IL1RAP: variants seen among roughly 807,000 people sequenced by gnomAD.
IL1RAP encodes interleukin 1 receptor accessory protein.
Under a neutral mutation model 60.7 loss-of-function variants are expected in IL1RAP, and 35 were observed. The observed-to-expected ratio is 0.58, with a 90% CI of 0.44 to 0.76. IL1RAP has a LOEUF of 0.76. IL1RAP is among the 30% of genes least tolerant of loss of function. The probability of loss-of-function intolerance (pLI) is 0.00; values close to 1 mark genes in which losing one functional copy is unlikely to be tolerated. For missense variants in IL1RAP, 572 were observed against 693.9 expected, an observed-to-expected ratio of 0.82 and a Z score of 1.97; for synonymous variants, 268 against 250.9, an observed-to-expected ratio of 1.07 and a Z score of -0.64.
chr3:190,524,758 T>A (rs759437198), intron 1 of IL1RAP, among the ~76,000 whole-genome samples: 1 of 152,122 alleles, frequency 6.6e-6, no homozygotes. Context: ...TATGGATAGA[T>A]GTTAGTGTGA....
chr3:190,632,375 T>C lies in IL1RAP; in HGVS notation c.1051+2877T>C, dbSNP rs1003151153. On this transcript the variant is annotated intron_variant, in intron 9 of 11. Transcript: ENST00000447382. ...GATGTTGGACAATTTTTCATAGCCT[T>C]ATTTGTCATTAGCTAATATATCTTT... is the stretch of plus-strand genomic sequence containing the variant. Among the ~76,000 whole-genome samples, 5 of 152,246 alleles carry C rather than the reference T, an allele frequency of 3.3e-5. No individual in the cohort carries two copies. In the East Asian group the frequency reaches 9.6e-4, roughly 29 times the overall value.
At chr3:190,655,830 G>T, downstream of IL1RAP, 1 of 1,251,866 alleles carries the variant, frequency 8.0e-7, no homozygotes, top group South Asian at 1.4e-5. Flanking sequence ...GGACAATAAC[G>T]AACTGGAATA....
intron 3 of IL1RAP, among the ~76,000 whole-genome samples, chr3:190,602,703 C>CT (rs1729964152): frequency 6.6e-6 from 1 of 152,138 alleles, no homozygotes; most frequent in African/African-American, 2.4e-5. Flanking sequence ...TGATGTAACT[C>CT]TTTTCTTTCA....
chr3:190,574,993 G>GTTTT (rs3836446), intron 3 of IL1RAP, among the ~76,000 whole-genome samples: 10 of 151,656 alleles, frequency 6.6e-5, no homozygotes, highest in Admixed American at 2.0e-4. Context: ...AGGGAAATGA[G>GTTTT]TTTTTTTTTA....
chr3:190,533,107 A>G (rs1489734181), intron 1 of IL1RAP, among the ~76,000 whole-genome samples: 1 of 152,194 alleles, frequency 6.6e-6, no homozygotes, highest in Non-Finnish European at 1.5e-5. Context: ...GAACTGCTGT[A>G]TTGAATGCCC....
intron 1 of IL1RAP, among the ~76,000 whole-genome samples, chr3:190,517,590 T>G (rs1721640559): frequency 6.6e-6 from 1 of 152,248 alleles, no homozygotes; most frequent in Admixed American, 6.5e-5. Context: ...GCTGTTCATC[T>G]GCTGAGACTT....
intron 2 of IL1RAP, among the ~76,000 whole-genome samples, chr3:190,562,990 A>G (rs560918147): frequency 3.3e-5 from 5 of 152,294 alleles, no homozygotes; most frequent in South Asian, 2.1e-4. Context: ...GGAAGCATGA[A>G]CCAGAGATTT....
intron 3 of IL1RAP, among the ~76,000 whole-genome samples, chr3:190,594,097 A>G (rs1479543632): frequency 6.6e-6 from 1 of 152,190 alleles, no homozygotes; most frequent in Non-Finnish European, 1.5e-5. Flanking sequence ...ATGTAAAATA[A>G]CAGCTGTTTA....
intron 9 of IL1RAP, among the ~76,000 whole-genome samples, chr3:190,636,884 A>G (rs1259512635): frequency 1.3e-5 from 2 of 151,870 alleles, no homozygotes; most frequent in Non-Finnish European, 2.9e-5. Context: ...CTCTAGACTA[A>G]TTGGTATTTT....
At position 190,629,546 on chromosome 3, in the gene IL1RAP, GT is replaced by G; in HGVS notation, c.1051+49del. ...AATCTCTCAGCTCCAAATTAACATT[GT>G]GGTGAATAAGGACAAAAGGAGAGAT... On this transcript the variant is annotated intron_variant, in intron 9 of 11. Coordinates refer to ENST00000447382, the MANE Select transcript of IL1RAP (RefSeq NM_002182.4). The G allele has an allele frequency of 1.9e-6, 3 of 1,566,802 alleles. 1 individual carries two copies. In the South Asian group the frequency reaches 3.6e-5, roughly 19 times the overall value.
chr3:190,648,571 A>T lies in IL1RAP; in HGVS notation c.1579A>T (p.Lys527Ter), dbSNP rs201142449. The stretch of plus-strand genomic sequence containing the variant: ...GACGGTGCTCACGGTCATTAAATGG[A>T]AAGGGGAAAAATCCAAGTATCCACA... ...AKTVLTVIKW[K>*]GEKSKYPQGR... The change falls in exon 12 of 12, where the codon AAA becomes TAA. Residue 527 changes from lysine to a stop codon, truncating the protein, a stop_gained. Transcript: ENST00000447382. LOFTEE classifies it high-confidence loss of function. 5.0e-6 allele frequency: 8 copies of T among 1,614,126 alleles called. No homozygotes were observed. In the Admixed American group the frequency reaches 6.7e-5, roughly 13 times the overall value.
chr3:190,620,465 A>C (rs745316576), intron 6 of IL1RAP, 25 bp downstream of exon 6: 1 of 1,579,082 alleles, frequency 6.3e-7, no homozygotes, highest in Non-Finnish European at 8.6e-7. Flanking sequence ...TGTCCAGTAC[A>C]CACAACAAGC....
chr3:190,514,547 C>G (rs1255940799), intron 1 of IL1RAP, among the ~76,000 whole-genome samples: 2 of 151,824 alleles, frequency 1.3e-5, no homozygotes, highest in East Asian at 3.9e-4. Context: ...GCTACCACCC[C>G]CCGCCCCCAT....
rs1734336032 is a variant in IL1RAP, at chr3:190,650,604, C to T, written c.*1899C>T. 2.3e-6 allele frequency: 2 copies of T among 861,928 alleles called. No homozygotes were observed. Among genetic ancestry groups the T allele is most frequent in the Middle Eastern group, 5.9e-4 (1 of 1,690 alleles). The allele number at this position is 861,928 out of a possible 1,614,324, so 53.4% of individuals were successfully genotyped here. A position where few individuals can be genotyped will look rare whatever the true frequency, so the allele number is the denominator to read the frequency against. On this transcript the variant is annotated 3_prime_UTR_variant, in exon 12 of 12. Transcript: ENST00000447382. ...AAAATTATATCCTATATTTAAGTAC[C>T]CATAATAAATCATTTCCCTCTATAA...
downstream of IL1RAP, among the ~76,000 whole-genome samples, chr3:190,654,608 A>G (rs1225723554): frequency 6.6e-6 from 1 of 152,186 alleles, no homozygotes; most frequent in East Asian, 1.9e-4. Flanking sequence ...TGATTGAAAA[A>G]AACAAAACTA....
intron 1 of IL1RAP, among the ~76,000 whole-genome samples, chr3:190,516,623 T>C (rs890617651): frequency 2.0e-5 from 3 of 152,204 alleles, no homozygotes; most frequent in African/African-American, 4.8e-5. Flanking sequence ...GGTTTTGTGG[T>C]CAGACCTACT....
At chr3:190,653,580 C>G (rs962588947), downstream of IL1RAP, among the ~76,000 whole-genome samples, 1 of 151,966 alleles carries the variant, frequency 6.6e-6, no homozygotes, top group Non-Finnish European at 1.5e-5. Context: ...AAAAAAATGA[C>G]CATCCTAGTT....
intron 3 of IL1RAP, among the ~76,000 whole-genome samples, chr3:190,593,883 CA>C (rs945129164): frequency 1.3e-5 from 2 of 151,970 alleles, no homozygotes; most frequent in African/African-American, 4.8e-5. Flanking sequence ...TTTTGGAAAC[CA>C]GTGGTATATT....
At chr3:190,546,227 C>T (rs1161379206) in intron 1 of IL1RAP, among the ~76,000 whole-genome samples, 1 of 152,118 alleles carries the variant, frequency 6.6e-6, no homozygotes, top group Non-Finnish European at 1.5e-5. Context: ...CCTCTCTGTT[C>T]TATAGATCAG....
Sources: gnomAD v4.1 joint callset for allele counts (sites outside exome capture counted in the v4.1 genomes callset) on GRCh38, gnomAD v4.1.1 for gene constraint, MANE v1.5 for transcripts, NCBI Gene and HGNC (gene_info 2026-07-23, HGNC 2026-07-21) for gene names.